HYDIN: variants seen among roughly 807,000 people sequenced by gnomAD.
The protein encoded by HYDIN is HYDIN axonemal central pair apparatus protein.
A neutral mutation model predicts 403.9 loss-of-function variants in HYDIN; 132 were observed. The ratio of observed to expected loss-of-function variants is 0.33; its 90% CI spans 0.28 to 0.38. The LOEUF (loss-of-function observed/expected upper bound fraction) is 0.38, where lower values mean the gene tolerates loss of function less well. HYDIN is among the 10% of genes least tolerant of loss of function. HYDIN has a pLI of 1.00. For synonymous variants in HYDIN, 1,202 were observed against 1,891.7 expected (o/e 0.64, Z 9.46); for missense variants, 2,827 against 5,009.5 (o/e 0.56, Z 13.15).
chr16:71,007,000 TTCCC>T (rs891707180), intron 23 of HYDIN, among the ~76,000 whole-genome samples: 7 of 149,294 alleles, frequency 4.7e-5, no homozygotes, highest in Non-Finnish European at 8.9e-5. Flanking sequence ...TCCCTGTCTC[TTCCC>T]TCCCTCCCTC....
intron 36 of HYDIN, among the ~76,000 whole-genome samples, chr16:70,966,628 T>C (rs2078583789): frequency 6.7e-6 from 1 of 149,544 alleles, no homozygotes; most frequent in Non-Finnish European, 1.5e-5. Context: ...TGGACAAGAA[T>C]ACCTTATGAG....
intron 10 of HYDIN, among the ~76,000 whole-genome samples, chr16:71,102,650 A>T (rs1174824308): frequency 1.3e-5 from 2 of 151,846 alleles, no homozygotes; most frequent in Non-Finnish European, 2.9e-5. Flanking sequence ...TGTTCTGACA[A>T]GACAGATTTG....
intron 50 of HYDIN, among the ~76,000 whole-genome samples, chr16:70,905,940 C>T (rs561834610): frequency 2.0e-5 from 3 of 152,036 alleles, no homozygotes; most frequent in Non-Finnish European, 4.4e-5. Context: ...CCTTCATCTT[C>T]AATTTTTAAT....
rs369010391 is a variant in HYDIN, at chr16:70,921,209, C to T, written c.7167G>A (p.Pro2389=). 1.5e-5 allele frequency: 22 copies of T among 1,452,710 alleles called. No individual in the cohort carries two copies. Among genetic ancestry groups the T allele is most frequent in the Middle Eastern group, 1.8e-4 (1 of 5,514 alleles). 90.0% of individuals were successfully genotyped at this position (1,452,710 alleles called of 1,614,324 possible). A position where few individuals can be genotyped will look rare whatever the true frequency, so the allele number is the denominator to read the frequency against. The part of the protein sequence containing the change: ...KSQAANKQVP[P]LTKVDVKMET... ...CCATCTTGACATCCACTTTGGTGAG[C>T]GGAGGAACCTAGAAGGCATGACACA... Residue 2389 remains proline, a synonymous_variant, in exon 46 of 86, where the codon CCG becomes CCA. Coordinates refer to ENST00000393567, the MANE Select transcript of HYDIN (RefSeq NM_001270974.2).
intron 1 of HYDIN, among the ~76,000 whole-genome samples, chr16:71,196,338 T>C (rs1439317015): frequency 1.3e-5 from 2 of 152,146 alleles, no homozygotes; most frequent in African/African-American, 4.8e-5. Flanking sequence ...GTGAGCAGCA[T>C]CCAATTAACT....
At chr16:70,837,970 G>A (rs1386043208) in intron 76 of HYDIN, 82 bp from the exon 77 acceptor site, 1 of 1,466,710 alleles carries the variant, frequency 6.8e-7, no homozygotes, top group Non-Finnish European at 9.2e-7. Flanking sequence ...GTCTCTTTGG[G>A]CTGGACACTG....
At chr16:70,812,517 T>C (rs1447229533) in intron 84 of HYDIN, among the ~76,000 whole-genome samples, 1 of 151,952 alleles carries the variant, frequency 6.6e-6, no homozygotes, top group Non-Finnish European at 1.5e-5. Context: ...AAGTGAATTG[T>C]AAAAGATGAT....
intron 58 of HYDIN, among the ~76,000 whole-genome samples, chr16:70,888,664 A>T (rs2041292441): frequency 6.6e-6 from 1 of 151,910 alleles, no homozygotes; most frequent in Non-Finnish European, 1.5e-5. Context: ...ACAGCACAGG[A>T]GGTGGTGGGG....
chr16:71,148,295 T>C (rs866059542), intron 7 of HYDIN, among the ~76,000 whole-genome samples: 1 of 152,116 alleles, frequency 6.6e-6, no homozygotes, highest in African/African-American at 2.4e-5. Context: ...AATGATGAAA[T>C]ACTGAGCACT....
At position 70,803,809 on chromosome 16, in the gene HYDIN, A is replaced by C. The variant is rs898380931; in HGVS notation, c.*3771T>G. On this transcript the variant is annotated 3_prime_UTR_variant, in exon 86 of 86. Coordinates refer to ENST00000393567, the MANE Select transcript of HYDIN (RefSeq NM_001270974.2). ...TGTCACCTCTGACTTGAGGCTCCTA[A>C]AGAAGTGGTTAGACTTAGCATGCCA... is the stretch of plus-strand genomic sequence containing the variant. 3.3e-5 allele frequency among the ~76,000 whole-genome samples: 5 copies of C among 152,126 alleles called. No individual in the cohort carries two copies. The highest frequency in any genetic ancestry group is 1.2e-4 in the African/African-American group (5 of 41,418).
intron 47 of HYDIN, among the ~76,000 whole-genome samples, chr16:70,910,222 T>G (rs1337465871): frequency 6.6e-6 from 1 of 152,168 alleles, no homozygotes; most frequent in Non-Finnish European, 1.5e-5. Flanking sequence ...TTTGTAGTCT[T>G]TTATCTCTTG....
At chr16:70,859,376 C>T (rs557195880) in intron 71 of HYDIN, among the ~76,000 whole-genome samples, 59 of 152,322 alleles carry the variant, frequency 3.9e-4, no homozygotes, top group Non-Finnish European at 7.3e-4. Flanking sequence ...CCTTGGCCCC[C>T]GTTGTCTGCA....
chr16:70,863,402 A>G (rs1359297141), intron 67 of HYDIN, among the ~76,000 whole-genome samples: 1 of 152,246 alleles, frequency 6.6e-6, no homozygotes, highest in Non-Finnish European at 1.5e-5. Flanking sequence ...TATAAAAAAT[A>G]TTTATCACTT....
chr16:70,905,108 A>G (rs1444756003), intron 50 of HYDIN, among the ~76,000 whole-genome samples: 1 of 152,202 alleles, frequency 6.6e-6, no homozygotes, highest in Non-Finnish European at 1.5e-5. Flanking sequence ...AAAAGGTTTT[A>G]GATAGGCCAT....
intron 14 of HYDIN, 142 bp from the exon 15 acceptor site, chr16:71,067,532 C>A (rs1008756329): frequency 1.6e-5 from 7 of 426,388 alleles, no homozygotes; most frequent in Non-Finnish European, 3.0e-5. Context: ...TTTTAGTTGA[C>A]AAGTTACATT....
chr16:71,103,933 C>A (rs1333393327), intron 10 of HYDIN, among the ~76,000 whole-genome samples: 3 of 152,160 alleles, frequency 2.0e-5, no homozygotes, highest in Non-Finnish European at 2.9e-5. Context: ...TTGTTTAGGT[C>A]TTTAATTTCT....
intron 84 of HYDIN, 23 bp downstream of exon 84, chr16:70,818,319 C>T: frequency 8.9e-6 from 14 of 1,567,188 alleles, no homozygotes; most frequent in South Asian, 1.1e-5. Flanking sequence ...CTCAGGGAGC[C>T]CCCGACAGCC....
chr16:70,820,187 CTTTTTTTTTTT>C (rs57769826), intron 83 of HYDIN, among the ~76,000 whole-genome samples: 34 of 91,814 alleles, frequency 3.7e-4, no homozygotes, highest in Non-Finnish European at 6.8e-4. Flanking sequence ...TTTCTTTTTT[CTTTTTTTTTTT>C]TTTTTTTTTT....
chr16:71,087,640 A>G (rs1027169485), intron 12 of HYDIN: 41 of 135,006 alleles, frequency 3.0e-4, no homozygotes, highest in East Asian at 8.4e-4. Flanking sequence ...GAGATTCTGA[A>G]TGTATAGTAT....
Sources: allele counts gnomAD v4.1 joint callset (sites outside exome capture counted in the v4.1 genomes callset), GRCh38; gene constraint gnomAD v4.1.1; transcripts MANE v1.5; gene names NCBI Gene and HGNC (gene_info 2026-07-23, HGNC 2026-07-21).